Variants in KSR2 observed in about 807,000 individuals in gnomAD.
KSR2 encodes the protein kinase suppressor of ras 2.
A neutral mutation model predicts 107.8 loss-of-function variants in KSR2; 25 were observed. The ratio of observed to expected loss-of-function variants is 0.23; its 90% CI spans 0.17 to 0.32. The LOEUF (loss-of-function observed/expected upper bound fraction) is 0.32. Among genes scored for constraint, KSR2 ranks in the 10% least tolerant of loss-of-function variants. KSR2 has a pLI of 1.00. For missense variants in KSR2, 887 were observed against 1,268.9 expected (o/e 0.70, Z 4.57); for synonymous variants, 480 against 507.0 (o/e 0.95, Z 0.71).
chr12:117,716,234 C>A (rs1886972858), intron 4 of KSR2, among the ~76,000 whole-genome samples: 1 of 152,222 alleles, frequency 6.6e-6, no homozygotes, highest in South Asian at 2.1e-4. Context: ...CAGCATCTGG[C>A]ACATAGTATA....
chr12:117,925,862 C>G (rs1895500965), intron 1 of KSR2, among the ~76,000 whole-genome samples: 2 of 152,048 alleles, frequency 1.3e-5, no homozygotes, highest in African/African-American at 4.8e-5. Flanking sequence ...CCCAATGTAG[C>G]CTTTTCAGAA....
At chr12:117,520,916 T>C (rs1321923109) in intron 14 of KSR2, among the ~76,000 whole-genome samples, 1 of 152,012 alleles carries the variant, frequency 6.6e-6, no homozygotes, top group Non-Finnish European at 1.5e-5. Flanking sequence ...ATCTAGTGAG[T>C]AGAGGCCAGG....
intron 12 of KSR2, among the ~76,000 whole-genome samples, chr12:117,529,007 A>T (rs1195938738): frequency 6.6e-6 from 1 of 152,178 alleles, no homozygotes; most frequent in Non-Finnish European, 1.5e-5. Context: ...TCAGCACCAT[A>T]TCCCCCGGCA....
At position 117,484,927 on chromosome 12, in the gene KSR2, C is replaced by G. The variant is rs76254155; in HGVS notation, c.2317-378G>C. On this transcript the variant is annotated intron_variant, in intron 15 of 19. Coordinates refer to ENST00000339824, the MANE Select transcript of KSR2 (RefSeq NM_173598.6). ...AGACTAGATAGTCAGATCTACTTAA[C>G]CTATGCTGCCGCAGAAGGCAATGAG... Among the ~76,000 whole-genome samples the G allele has an allele frequency of 4.6e-3, 700 of 152,304 alleles. 3 individuals carry two copies. The highest frequency in any genetic ancestry group is 0.016 in the African/African-American group (674 of 41,564).
chr12:117,660,124 T>G (rs566687042), intron 5 of KSR2, among the ~76,000 whole-genome samples: 68 of 152,222 alleles, frequency 4.5e-4, no homozygotes, highest in Non-Finnish European at 8.7e-4. Context: ...ACTGAGACTT[T>G]GAATAGGTAT....
At chr12:117,566,655 A>C (rs16947732) in intron 7 of KSR2, among the ~76,000 whole-genome samples, 5,349 of 152,250 alleles carry the variant, frequency 0.035, 332 homozygotes, top group African/African-American at 0.12. Flanking sequence ...AGTCATTCAG[A>C]TAGTGATGGG....
intron 4 of KSR2, among the ~76,000 whole-genome samples, chr12:117,732,621 A>G (rs1326160509): frequency 2.0e-5 from 3 of 152,032 alleles, no homozygotes; most frequent in Non-Finnish European, 2.9e-5. Flanking sequence ...TTAGAAAGTG[A>G]CCCTCACCTG....
intron 5 of KSR2, among the ~76,000 whole-genome samples, chr12:117,595,648 C>T: frequency 6.6e-6 from 1 of 152,206 alleles, no homozygotes; most frequent in Non-Finnish European, 1.5e-5. Context: ...CAGGCGTGAG[C>T]CACCGCGCCC....
intron 7 of KSR2, among the ~76,000 whole-genome samples, chr12:117,571,777 C>G (rs1878910957): frequency 6.6e-6 from 1 of 152,170 alleles, no homozygotes; most frequent in African/African-American, 2.4e-5. Flanking sequence ...GCCCTGAGAG[C>G]AGGTGACTCG....
At chr12:117,532,852 G>A (rs1875758611) in intron 10 of KSR2, among the ~76,000 whole-genome samples, 1 of 152,050 alleles carries the variant, frequency 6.6e-6, no homozygotes, top group Admixed American at 6.5e-5. Context: ...ATAGTCAGAT[G>A]AGTCTGTATT....
chr12:117,648,052 A>G (rs1883729531), intron 5 of KSR2, among the ~76,000 whole-genome samples: 1 of 152,204 alleles, frequency 6.6e-6, no homozygotes, highest in African/African-American at 2.4e-5. Context: ...TACAAGAATC[A>G]GCAAGGGACA....
At chr12:117,953,458 A>G (rs1188519337) in intron 1 of KSR2, among the ~76,000 whole-genome samples, 1 of 152,246 alleles carries the variant, frequency 6.6e-6, no homozygotes, top group Non-Finnish European at 1.5e-5. Context: ...TGAATACACA[A>G]ATGCTGACTA....
intron 5 of KSR2, among the ~76,000 whole-genome samples, chr12:117,658,278 A>G (rs1323141561): frequency 6.6e-6 from 1 of 152,228 alleles, no homozygotes; most frequent in African/African-American, 2.4e-5. Flanking sequence ...TCACTTTGGG[A>G]AGATTACATC....
intron 5 of KSR2, among the ~76,000 whole-genome samples, chr12:117,594,070 T>A (rs1880492499): frequency 1.3e-5 from 2 of 152,326 alleles, no homozygotes; most frequent in African/African-American, 2.4e-5. Context: ...AGTTTATGGA[T>A]CTTAAATCAG....
Position 117,897,685 on chromosome 12 carries a change from G to T in KSR2, c.181-37254C>A, listed in dbSNP as rs140778404. Among the ~76,000 whole-genome samples the T allele has an allele frequency of 3.6e-4, 55 of 152,106 alleles. No individual in the cohort carries two copies. The highest frequency in any genetic ancestry group is 1.2e-3 in the African/African-American group (50 of 41,500). On this transcript the variant is annotated intron_variant, in intron 1 of 19. Transcript: ENST00000339824. This position sits in a 1 kb window ranked among gnomAD's most constrained non-coding sequence, Gnocchi z 4.5. ...TGGTAATTTTCCTATTTTTTTAAAT[G>T]TGAGCTAGGTGACTTGGGTGCTAGC...
chr12:117,834,786 C>A (rs561739203), intron 3 of KSR2, among the ~76,000 whole-genome samples: 17 of 152,118 alleles, frequency 1.1e-4, no homozygotes, highest in African/African-American at 4.1e-4. Flanking sequence ...GAGCTGAGAC[C>A]CAAATAATGA....
chr12:117,940,372 T>G (rs1895971544), intron 1 of KSR2, among the ~76,000 whole-genome samples: 2 of 152,336 alleles, frequency 1.3e-5, no homozygotes, highest in South Asian at 4.1e-4. Context: ...TTATTCAACT[T>G]ATATCTATTC....
intron 3 of KSR2, among the ~76,000 whole-genome samples, chr12:117,848,948 G>A (rs763078164): frequency 1.3e-5 from 2 of 151,960 alleles, no homozygotes; most frequent in East Asian, 1.9e-4. Context: ...AACCACTGTG[G>A]CCCACATGAT....
At chr12:117,825,977 G>A (rs1489975220) in intron 3 of KSR2, among the ~76,000 whole-genome samples, 1 of 148,460 alleles carries the variant, frequency 6.7e-6, no homozygotes, top group African/African-American at 2.5e-5. Context: ...GTGGGTAGGT[G>A]GGTGAACAGG....
Sources: gnomAD v4.1 joint callset for allele counts (sites outside exome capture counted in the v4.1 genomes callset) on GRCh38, gnomAD v4.1.1 for gene constraint, Gnocchi (gnomAD v3.1) non-coding constraint, MANE v1.5 for transcripts, NCBI Gene and HGNC (gene_info 2026-07-23, HGNC 2026-07-21) for gene names.